SKAP2: variants seen among roughly 807,000 people sequenced by gnomAD.
SKAP2 encodes src kinase associated phosphoprotein 2.
SKAP2 carries 28 observed loss-of-function variants against 54.9 expected under a neutral mutation model. The ratio of observed to expected loss-of-function variants is 0.51; its 90% CI spans 0.38 to 0.70. The LOEUF is 0.70. Ranked by LOEUF, SKAP2 falls within the 30% of genes least tolerant of loss-of-function variation. The probability of loss-of-function intolerance (pLI) is 0.00; values close to 1 mark genes in which losing one functional copy is unlikely to be tolerated. For missense variants in SKAP2, 356 were observed against 424.1 expected (o/e 0.84, Z 1.41); for synonymous variants, 137 against 134.3 (o/e 1.02, Z -0.14).
intron 4 of SKAP2, among the ~76,000 whole-genome samples, chr7:26,799,130 CAAGGCAAGG>C (rs1783852310): frequency 6.6e-6 from 1 of 151,104 alleles, no homozygotes; most frequent in African/African-American, 2.4e-5. Flanking sequence ...CAAGGCAAGG[CAAGGCAAGG>C]CAAGGCAAGA....
intron 4 of SKAP2, among the ~76,000 whole-genome samples, chr7:26,790,706 T>A (rs1428796138): frequency 6.6e-6 from 1 of 152,148 alleles, no homozygotes; most frequent in Non-Finnish European, 1.5e-5. Context: ...GATAAAAGAG[T>A]GAAGACTTTG....
intron 4 of SKAP2, among the ~76,000 whole-genome samples, chr7:26,808,481 G>A (rs1454254623): frequency 6.6e-6 from 1 of 152,148 alleles, no homozygotes; most frequent in Non-Finnish European, 1.5e-5. Context: ...GGTGAATGGG[G>A]AGTTACTGTT....
At chr7:26,741,722 T>C (rs1284630093) in intron 4 of SKAP2, among the ~76,000 whole-genome samples, 1 of 151,966 alleles carries the variant, frequency 6.6e-6, no homozygotes, top group Admixed American at 6.6e-5. Context: ...AATATGCCCA[T>C]AAATTTGCCT....
At chr7:26,780,574 T>C (rs1488291767) in intron 4 of SKAP2, among the ~76,000 whole-genome samples, 2 of 152,128 alleles carry the variant, frequency 1.3e-5, no homozygotes, top group African/African-American at 2.4e-5. Flanking sequence ...AATTTGAATT[T>C]CATATTATTT....
intron 4 of SKAP2, among the ~76,000 whole-genome samples, chr7:26,780,982 T>C (rs1783413395): frequency 6.6e-6 from 1 of 152,150 alleles, no homozygotes; most frequent in Non-Finnish European, 1.5e-5. Flanking sequence ...AAAGTTTCAC[T>C]TTCAGAGATC....
At chr7:26,826,484 C>A (rs1252912763) in intron 4 of SKAP2, among the ~76,000 whole-genome samples, 1 of 152,128 alleles carries the variant, frequency 6.6e-6, no homozygotes, top group Non-Finnish European at 1.5e-5. Context: ...AGTTGGGTTT[C>A]TTTTTCTGTC....
intron 9 of SKAP2, among the ~76,000 whole-genome samples, chr7:26,705,902 G>C (rs1374408815): frequency 6.6e-6 from 1 of 151,896 alleles, no homozygotes; most frequent in Non-Finnish European, 1.5e-5. Context: ...CAAATCATAG[G>C]GACATACATA....
intron 6 of SKAP2, among the ~76,000 whole-genome samples, chr7:26,729,237 T>C (rs1787772087): frequency 6.6e-6 from 1 of 152,128 alleles, no homozygotes; most frequent in South Asian, 2.1e-4. Context: ...TCTACTGAGA[T>C]GAACCAGAGA....
At chr7:26,698,285 C>T (rs1212307807) in intron 9 of SKAP2, among the ~76,000 whole-genome samples, 1 of 152,204 alleles carries the variant, frequency 6.6e-6, no homozygotes, top group Non-Finnish European at 1.5e-5. Flanking sequence ...GACTTACTGG[C>T]TCCACATCCC....
At chr7:26,753,596 C>T (rs7457076) in intron 4 of SKAP2, among the ~76,000 whole-genome samples, 124,413 of 152,148 alleles carry the variant, frequency 0.82, 51,498 homozygotes, top group African/African-American at 0.95. Context: ...GTCATTAAAA[C>T]AATTTTGTAA....
intron 3 of SKAP2, among the ~76,000 whole-genome samples, chr7:26,852,307 G>C (rs192760127): frequency 1.3e-4 from 20 of 152,226 alleles, no homozygotes; most frequent in African/African-American, 4.8e-4. Flanking sequence ...GCAACTATTA[G>C]GTCTGTACCC....
At chr7:26,745,343 A>G (rs1172089654) in intron 4 of SKAP2, among the ~76,000 whole-genome samples, 1 of 152,258 alleles carries the variant, frequency 6.6e-6, no homozygotes, top group African/African-American at 2.4e-5. Flanking sequence ...AACTCCAAAA[A>G]GTAAAGAATA....
intron 3 of SKAP2, among the ~76,000 whole-genome samples, chr7:26,849,365 C>T (rs1439863476): frequency 1.3e-5 from 2 of 151,974 alleles, no homozygotes; most frequent in Non-Finnish European, 2.9e-5. Context: ...TCTCTAGCAC[C>T]TGAAGCAGTA....
intron 11 of SKAP2, among the ~76,000 whole-genome samples, chr7:26,682,371 A>C (rs186619578): frequency 1.6e-3 from 250 of 152,310 alleles, no homozygotes; most frequent in African/African-American, 5.7e-3. Flanking sequence ...CTCGCAGCCA[A>C]GACACCCATC....
chr7:26,719,754 C>A (rs1787537517), intron 9 of SKAP2, among the ~76,000 whole-genome samples: 1 of 152,174 alleles, frequency 6.6e-6, no homozygotes, highest in Non-Finnish European at 1.5e-5. Context: ...GCAAGTCCAG[C>A]TGATCTCTTA....
intron 3 of SKAP2, among the ~76,000 whole-genome samples, chr7:26,849,297 AT>A (rs1341818836): frequency 2.0e-5 from 3 of 151,578 alleles, no homozygotes; most frequent in African/African-American, 2.4e-5. Context: ...GGCAAAATCT[AT>A]TTTTTTTTAC....
chr7:26,753,475 C>G (rs11773050), intron 4 of SKAP2, among the ~76,000 whole-genome samples: 9 of 152,026 alleles, frequency 5.9e-5, no homozygotes, highest in African/African-American at 2.2e-4. Context: ...AATCAATATA[C>G]AGATAAAACA....
At chr7:26,728,384 C>T (rs1169814663) in intron 6 of SKAP2, among the ~76,000 whole-genome samples, 1 of 152,016 alleles carries the variant, frequency 6.6e-6, no homozygotes, top group Non-Finnish European at 1.5e-5. Flanking sequence ...AATTAAACTT[C>T]TATAAGAAAA....
intron 9 of SKAP2, among the ~76,000 whole-genome samples, chr7:26,690,796 T>C (rs904911930): frequency 1.6e-4 from 25 of 152,206 alleles, no homozygotes; most frequent in South Asian, 8.3e-4. Context: ...CATTGTACTG[T>C]GTGGCAGGAG....
Sources: gnomAD v4.1 joint callset for allele counts (sites outside exome capture counted in the v4.1 genomes callset) on GRCh38, gnomAD v4.1.1 for gene constraint, MANE v1.5 for transcripts, NCBI Gene and HGNC (gene_info 2026-07-23, HGNC 2026-07-21) for gene names.